PRKCSH: variants seen among roughly 807,000 people sequenced by gnomAD.
PRKCSH encodes the protein glucosidase 2 subunit beta.
In PRKCSH, 42 loss-of-function variants were observed where a neutral mutation model predicts 79.7. That is an observed-to-expected ratio of 0.53 (90% CI 0.41 to 0.68). The LOEUF (loss-of-function observed/expected upper bound fraction) is 0.68. Ranked by LOEUF, PRKCSH falls within the 30% of genes least tolerant of loss-of-function variation. PRKCSH has a pLI of 0.00. For missense variants in PRKCSH, 686 were observed against 709.0 expected, an observed-to-expected ratio of 0.97 and a Z score of 0.37; for synonymous variants, 325 against 288.2, an observed-to-expected ratio of 1.13 and a Z score of -1.29.
chr19:11,446,218 C>T (rs1478974382), intron 8 of PRKCSH, 54 bp from the exon 9 acceptor site: 2 of 1,587,878 alleles, frequency 1.3e-6, no homozygotes, highest in African/African-American at 2.7e-5. Context: ...GTGCCCCCAA[C>T]TGAGAGCCAC....
chr19:11,435,927 C>T, intron 1 of PRKCSH, 114 bp from the exon 2 acceptor site: 1 of 936,354 alleles, frequency 1.1e-6, no homozygotes, highest in Non-Finnish European at 1.6e-6. Flanking sequence ...GATCGCTGCC[C>T]CTCGCCCCCA....
At chr19:11,435,731 G>C (rs1969686582) in intron 1 of PRKCSH, 25 bp downstream of exon 1, 1 of 1,342,532 alleles carries the variant, frequency 7.4e-7, no homozygotes, top group Admixed American at 2.2e-5. Flanking sequence ...GCGGGTGGGA[G>C]GGCACCTCAG....
chr19:11,439,108 T>G (rs1969923423), intron 5 of PRKCSH, among the ~76,000 whole-genome samples: 1 of 152,046 alleles, frequency 6.6e-6, no homozygotes, highest in Admixed American at 6.6e-5. Flanking sequence ...GGTTTCACTA[T>G]GTTGGCCAGG....
chr19:11,445,928 AGGGTGGGGGTGGGCTTTGCT>A (rs1440333157), intron 8 of PRKCSH: 22 of 225,584 alleles, frequency 9.8e-5, no homozygotes, highest in Non-Finnish European at 1.7e-4. Context: ...CGAATGGGCA[AGGGTGGGGGTGGGCTTTGCT>A]GGGTGGGGGA....
chr19:11,445,261 C>A, intron 7 of PRKCSH, 128 bp from the exon 8 acceptor site: 1 of 809,536 alleles, frequency 1.2e-6, no homozygotes, highest in Non-Finnish European at 2.1e-6. Context: ...CCTCCACAGT[C>A]GTGTCCTCAG....
Position 11,448,811 on chromosome 19 carries a change from G to T in PRKCSH, c.1287-103G>T. On this transcript the variant is annotated intron_variant, in intron 14 of 17. Transcript: ENST00000677123. The surrounding 1 kb of genome is among the most constrained non-coding windows in gnomAD (Gnocchi z 4.4). ...GGTTTAGGGTTGGTCATTGGAGTTG[G>T]AGGTACCCTGTGTGTGGGGACTGGA... 1 of 1,464,382 alleles carries T rather than the reference G, an allele frequency of 6.8e-7. No homozygotes were observed. The highest frequency in any genetic ancestry group is 9.6e-7 in the Non-Finnish European group (1 of 1,045,934). 90.7% of individuals were successfully genotyped at this position (1,464,382 alleles called of 1,614,324 possible). A position where few individuals can be genotyped will look rare whatever the true frequency, so the allele number is the denominator to read the frequency against.
intron 17 of PRKCSH, among the ~76,000 whole-genome samples, chr19:11,450,150 T>G (rs2144860265): frequency 6.6e-6 from 1 of 151,508 alleles, no homozygotes; most frequent in South Asian, 2.1e-4. Context: ...GGCCATCCCC[T>G]GCTTTTTAAA....
rs759574640 is a variant in PRKCSH at position 11,447,063 on chromosome 19, AAC to A, written c.763-3_763-2del. The A allele has an allele frequency of 1.9e-6, 3 of 1,613,494 alleles. No homozygotes were observed. The highest frequency in any genetic ancestry group is 1.3e-5 in the African/African-American group (1 of 74,900). ...TGGCCTAGATCTTGACACCACCCCC[AAC>A]ACACACAGGCCCTCCTCAGTGGGGA... On this transcript the variant is annotated splice_polypyrimidine_tract_variant and intron_variant, in intron 9 of 17. Transcript: ENST00000677123. This position sits in a 1 kb window ranked among gnomAD's most constrained non-coding sequence, Gnocchi z 5.6.
In PRKCSH at chr19:11,439,605, C is replaced by CTTT. The variant is rs758607686; in HGVS notation, c.350+1506_350+1508dup. ...CCCGTCTCAGAAAAATTTTTCTTTT[C>CTTT]TTTTTTTTTTTTTTTTTTTTTTTTT... On this transcript the variant is annotated intron_variant, in intron 5 of 17. Coordinates refer to ENST00000677123, the MANE Select transcript of PRKCSH (RefSeq NM_001289104.2). Among the ~76,000 whole-genome samples the CTTT allele has an allele frequency of 7.6e-4, 52 of 68,854 alleles. 3 individuals are homozygous for CTTT. Among genetic ancestry groups the CTTT allele is most frequent in the African/African-American group, 1.9e-3 (33 of 17,508 alleles). The allele number at this position is 68,854 out of a possible 152,430, so 45.2% of individuals were successfully genotyped here.
rs1970436990 is a variant in PRKCSH at position 11,448,602 on chromosome 19, G to A, written c.1259G>A (p.Ser420Asn). Reference sequence around the variant, plus strand: ...AACGGGGAGTTTGCTTACCTGTACAGCCAGTGCTACGAGCTCACCACCAAC... The same window carrying A: ...AACGGGGAGTTTGCTTACCTGTACAACCAGTGCTACGAGCTCACCACCAAC... The part of the protein sequence containing the change: ...GPNGEFAYLY[S>N]QCYELTTNEY... The change falls in exon 14 of 18, where the codon AGC (serine) becomes AAC (asparagine). Residue 420 changes from serine (S) to asparagine (N), a missense_variant. By Grantham distance (46) the Ser-to-Asn change is conservative. This residue lies in a region of PRKCSH where 137 missense variants were observed against 188.8 expected (regional missense o/e 0.73). Coordinates refer to ENST00000677123, the MANE Select transcript of PRKCSH (RefSeq NM_001289104.2). This position sits in a 1 kb window ranked among gnomAD's most constrained non-coding sequence, Gnocchi z 4.4. 1 of 1,614,202 alleles carries A rather than the reference G, an allele frequency of 6.2e-7. No homozygotes were observed. Among genetic ancestry groups the A allele is most frequent in the Non-Finnish European group, 8.5e-7 (1 of 1,180,024 alleles).
chr19:11,447,814 C>T lies in PRKCSH; in HGVS notation c.1126+25C>T, dbSNP rs1260995303. ...GGTGAGGGTGGGCGGGGGCCAGGCT[C>T]CTCGGGTGGGCCCAGCGTTTCCTGC... On this transcript the variant is annotated intron_variant, in intron 12 of 17. Coordinates refer to ENST00000677123, the MANE Select transcript of PRKCSH (RefSeq NM_001289104.2). The surrounding 1 kb of genome is among the most constrained non-coding windows in gnomAD (Gnocchi z 5.6). The T allele has an allele frequency of 7.1e-6, 11 of 1,540,198 alleles. No individual in the cohort carries two copies. The highest frequency in any genetic ancestry group is 9.6e-6 in the Non-Finnish European group (11 of 1,142,528).
At position 11,447,554 on chromosome 19, in the gene PRKCSH, A is replaced by T; in HGVS notation, c.965A>T (p.Glu322Val). ...GAGGAGGAGGAGGAGGAGGAGGAGG[A>T]GGAAGAAGAGGCTGAAGAAGAGGAG... ...TEEEEEEEEEEEEEAEEEEEE... is the reference protein window; with the variant it reads ...TEEEEEEEEEVEEEAEEEEEE... The change falls in exon 11 of 18, where the codon GAG (glutamate) becomes GTG (valine). Residue 322 changes from glutamate to valine, a missense_variant. Physicochemically the swap from Glu to Val is moderately radical, Grantham distance 121 (BLOSUM62 -2). Transcript: ENST00000677123. This position sits in a 1 kb window ranked among gnomAD's most constrained non-coding sequence, Gnocchi z 5.6. 1 of 1,603,072 alleles carries T rather than the reference A, an allele frequency of 6.2e-7. No individual in the cohort carries two copies. The highest frequency in any genetic ancestry group is 8.5e-7 in the Non-Finnish European group (1 of 1,173,598).
intron 7 of PRKCSH, 75 bp from the exon 8 acceptor site, chr19:11,445,314 A>G (rs535371380): frequency 5.4e-5 from 80 of 1,479,698 alleles, no homozygotes; most frequent in Non-Finnish European, 6.8e-5. Flanking sequence ...CTTGGTGGCA[A>G]ACGACCCTGT....
chr19:11,447,055 C>T lies in PRKCSH; in HGVS notation c.763-19C>T, dbSNP rs970263773. On this transcript the variant is annotated intron_variant, in intron 9 of 17. Transcript: ENST00000677123. This position sits in a 1 kb window ranked among gnomAD's most constrained non-coding sequence, Gnocchi z 5.6. ...ACACGTGGTGGCCTAGATCTTGACA[C>T]CACCCCCAACACACACAGGCCCTCC... is the stretch of plus-strand genomic sequence containing the variant. The T allele has an allele frequency of 1.9e-6, 3 of 1,612,690 alleles. No homozygotes were observed. Among genetic ancestry groups the T allele is most frequent in the Admixed American group, 3.3e-5 (2 of 60,006 alleles).
In PRKCSH at chr19:11,448,197, C is replaced by T. The variant is rs763112063; in HGVS notation, c.1127-25C>T. 2 of 1,551,036 alleles carry T rather than the reference C, an allele frequency of 1.3e-6. No homozygotes were observed. Among genetic ancestry groups the T allele is most frequent in the Non-Finnish European group, 1.7e-6 (2 of 1,145,956 alleles). ...TCCTCCTGGATGGGGTTGAGGACAT[C>T]TCTGACCTCCAACCCCTCTCCCAGC... On this transcript the variant is annotated intron_variant, in intron 12 of 17. Coordinates refer to ENST00000677123, the MANE Select transcript of PRKCSH (RefSeq NM_001289104.2). This position sits in a 1 kb window ranked among gnomAD's most constrained non-coding sequence, Gnocchi z 4.4.
rs933340350 is a variant in PRKCSH, at chr19:11,445,626, C to T, written c.683+153C>T. 12 of 768,000 alleles carry T rather than the reference C, an allele frequency of 1.6e-5. No individual in the cohort carries two copies. The African/African-American group carries it at 1.9e-4, about 12-fold the overall frequency. 47.6% of individuals were successfully genotyped at this position (768,000 alleles called of 1,614,324 possible). A position where few individuals can be genotyped will look rare whatever the true frequency, so the allele number is the denominator to read the frequency against. ...AAGCCCCGTGTGACCCCGCCTCTTA[C>T]TCGTGGATGGCCAGGTCCAGGATGC... is the stretch of plus-strand genomic sequence containing the variant. On this transcript the variant is annotated intron_variant, in intron 8 of 17. Coordinates refer to ENST00000677123, the MANE Select transcript of PRKCSH (RefSeq NM_001289104.2).
chr19:11,450,151 G>T (rs1402571091), intron 17 of PRKCSH, among the ~76,000 whole-genome samples: 1 of 150,878 alleles, frequency 6.6e-6, no homozygotes, highest in Non-Finnish European at 1.5e-5. Flanking sequence ...GCCATCCCCT[G>T]CTTTTTAAAA....
At chr19:11,437,150 C>T (rs1969801082) in intron 3 of PRKCSH, among the ~76,000 whole-genome samples, 4 of 152,074 alleles carry the variant, frequency 2.6e-5, no homozygotes, top group African/African-American at 9.7e-5. Flanking sequence ...GTTCTCCTGC[C>T]TCAGCCTCCT....
At chr19:11,443,854 C>T (rs1295444772) in intron 7 of PRKCSH, among the ~76,000 whole-genome samples, 1 of 152,112 alleles carries the variant, frequency 6.6e-6, no homozygotes, top group Non-Finnish European at 1.5e-5. Flanking sequence ...CTGCTCACTG[C>T]AACCTCTACC....
Sources: allele counts gnomAD v4.1 joint callset (sites outside exome capture counted in the v4.1 genomes callset), GRCh38; gene constraint gnomAD v4.1.1; regional missense constraint gnomAD v4.1.1; non-coding constraint Gnocchi (gnomAD v3.1); transcripts MANE v1.5; gene names NCBI Gene and HGNC (gene_info 2026-07-23, HGNC 2026-07-21).